SLTM: variants seen among roughly 807,000 people sequenced by gnomAD.
SLTM encodes the protein SAFB like transcription modulator, also known as SAFB-like transcription modulator.
A neutral mutation model predicts 134.6 loss-of-function variants in SLTM; 43 were observed. The observed-to-expected ratio is 0.32, with a 90% CI of 0.25 to 0.41. The LOEUF is 0.41. Ranked by LOEUF, SLTM falls within the 10% of genes least tolerant of loss-of-function variation. The pLI, the probability that SLTM is intolerant of heterozygous loss-of-function variation, is 1.00. For missense variants in SLTM, 1,055 were observed against 1,288.8 expected (o/e 0.82, Z 2.78); for synonymous variants, 424 against 432.3 (o/e 0.98, Z 0.24).
Position 58,913,616 on chromosome 15 carries a change from A to G in SLTM, c.396T>C (p.Asn132=). The G allele has an allele frequency of 1.9e-6, 3 of 1,613,340 alleles. No individual in the cohort carries two copies. Among genetic ancestry groups the G allele is most frequent in the Non-Finnish European group, 2.5e-6 (3 of 1,179,808 alleles). Residue 132 remains asparagine, a synonymous_variant, in exon 4 of 21, where the codon AAT becomes AAC. Coordinates refer to ENST00000380516, the MANE Select transcript of SLTM (RefSeq NM_024755.4). ...CCTTGGAATGCACATTTTCTTCTTC[A>G]TTTTCACCAAATTCTTCAGAGTCCT... The part of the protein sequence containing the change: ...ELKDSEEFGE[N]EEENVHSKEL...
intron 2 of SLTM, among the ~76,000 whole-genome samples, chr15:58,929,340 C>T (rs371061635): frequency 1.3e-5 from 2 of 151,872 alleles, no homozygotes; most frequent in East Asian, 1.9e-4. Context: ...CTCAGCTACT[C>T]GGGAGGCTGA....
intron 5 of SLTM, among the ~76,000 whole-genome samples, chr15:58,912,038 T>C (rs1438458292): frequency 2.0e-5 from 3 of 151,652 alleles, no homozygotes; most frequent in Non-Finnish European, 4.4e-5. Flanking sequence ...ACTCTGAAAA[T>C]GACAGGAAAC....
intron 19 of SLTM, 132 bp downstream of exon 19, chr15:58,886,843 A>T: frequency 1.0e-5 from 11 of 1,088,774 alleles, no homozygotes; most frequent in African/African-American, 1.6e-5. Flanking sequence ...TTAAATAAAA[A>T]ATTAATGCCT....
In SLTM at chr15:58,879,283, G is replaced by A. The variant is rs1478941677; in HGVS notation, c.*716C>T. 1 of 152,178 alleles carries A rather than the reference G, an allele frequency of 6.6e-6. No individual in the cohort carries two copies. Among genetic ancestry groups the A allele is most frequent in the Non-Finnish European group, 1.5e-5 (1 of 68,032 alleles). 9.4% of individuals were successfully genotyped at this position (152,178 alleles called of 1,614,324 possible). On this transcript the variant is annotated 3_prime_UTR_variant, in exon 21 of 21. Transcript: ENST00000380516. ...CACTTACCTGCACAACTCGGTCTAAGAACCTTGTGAAACAAACCTCATGGC... is the reference window on the plus strand; with the variant it reads ...CACTTACCTGCACAACTCGGTCTAAAAACCTTGTGAAACAAACCTCATGGC...
In SLTM at chr15:58,887,305, G is replaced by A. The variant is rs1187502445; in HGVS notation, c.2611C>T (p.Arg871Ter). The A allele has an allele frequency of 1.2e-6, 2 of 1,614,066 alleles. No homozygotes were observed. The highest frequency in any genetic ancestry group is 2.2e-5 in the East Asian group (1 of 44,870). The change falls in exon 18 of 21, where the codon CGA becomes TGA. Residue 871 changes from arginine to a stop codon, truncating the protein, a stop_gained. Coordinates refer to ENST00000380516, the MANE Select transcript of SLTM (RefSeq NM_024755.4). LOFTEE classifies it high-confidence loss of function. ...RPDITHPRHP[R>*]EAGPNPSRPT... ...CTGGAAGGATTGGGCCCTGCCTCTC[G>A]AGGATGTCTAGGATGAGTGATATCA...
At chr15:58,893,188 G>C (rs1421049660) in intron 13 of SLTM, 91 bp downstream of exon 13, 2 of 1,402,472 alleles carry the variant, frequency 1.4e-6, no homozygotes, top group African/African-American at 2.9e-5. Context: ...TTGCTAGCAT[G>C]CAAGTACGCA....
chr15:58,933,441 G>C lies in SLTM; in HGVS notation c.125C>G (p.Thr42Ser), dbSNP rs1343869970. The change falls in exon 1 of 21, where the codon ACC becomes AGC. Residue 42 changes from threonine (T) to serine (S), a missense_variant. By Grantham distance (58) the Thr-to-Ser change is moderately conservative. Transcript: ENST00000380516. ...SELKRRNLDITGVKTVLISRL... is the reference protein window; with the variant it reads ...SELKRRNLDISGVKTVLISRL... ...GGAGATGAGCACGGTCTTGACTCCG[G>C]TGATGTCTAAGTTCCGCCGCTTCAG... 2.5e-6 allele frequency: 4 copies of C among 1,593,580 alleles called. No individual in the cohort carries two copies. The highest frequency in any genetic ancestry group is 3.4e-6 in the Non-Finnish European group (4 of 1,170,784).
chr15:58,925,648 CT>C (rs1314292690), intron 2 of SLTM, among the ~76,000 whole-genome samples: 1 of 152,104 alleles, frequency 6.6e-6, no homozygotes, highest in East Asian at 1.9e-4. Context: ...CAATAGGTCA[CT>C]TTGAAAAATT....
intron 1 of SLTM, 66 bp from the exon 2 acceptor site, chr15:58,932,509 G>T: frequency 1.6e-6 from 2 of 1,285,128 alleles, no homozygotes; most frequent in South Asian, 1.3e-5. Context: ...AAAACGAAAT[G>T]AAAAAAAATT....
At chr15:58,912,334 C>A (rs573115197) in intron 5 of SLTM, among the ~76,000 whole-genome samples, 1 of 152,170 alleles carries the variant, frequency 6.6e-6, no homozygotes, top group African/African-American at 2.4e-5. Flanking sequence ...CTCCTGACCT[C>A]GTGAACCGCC....
chr15:58,883,732 G>T lies in SLTM; in HGVS notation c.2890C>A (p.Pro964Thr), dbSNP rs377080716. The part of the protein sequence containing the change: ...VERHGRDTSG[P>T]RKEWHGPPSQ... The stretch of plus-strand genomic sequence containing the variant: ...GGTGGACCATGCCACTCTTTCCTTG[G>T]TCCGCTTGTGTCCCGTCCATGGCGT... The change falls in exon 20 of 21, where the codon CCA becomes ACA. Residue 964 changes from proline to threonine, a missense_variant. Pro to Thr is a conservative substitution (Grantham distance 38). Coordinates refer to ENST00000380516, the MANE Select transcript of SLTM (RefSeq NM_024755.4). The T allele has an allele frequency of 6.2e-7, 1 of 1,613,968 alleles. No homozygotes were observed. The highest frequency in any genetic ancestry group is 8.5e-7 in the Non-Finnish European group (1 of 1,180,028).
At chr15:58,919,205 G>A (rs775126878) in intron 2 of SLTM, among the ~76,000 whole-genome samples, 3 of 152,304 alleles carry the variant, frequency 2.0e-5, no homozygotes, top group East Asian at 3.9e-4. Flanking sequence ...GAGCCACCAC[G>A]CCCAGATAAT....
chr15:58,901,929 G>A (rs868351614), intron 5 of SLTM, among the ~76,000 whole-genome samples: 13 of 151,170 alleles, frequency 8.6e-5, no homozygotes, highest in Middle Eastern at 3.2e-3. Flanking sequence ...CACATATACC[G>A]ATGGCAAAGC....
rs1217589492 is a variant in SLTM at position 58,901,298 on chromosome 15, A to G, written c.562-11T>C. The G allele has an allele frequency of 1.3e-6, 2 of 1,599,476 alleles. No individual in the cohort carries two copies. On this transcript the variant is annotated splice_polypyrimidine_tract_variant and intron_variant, in intron 5 of 20. Coordinates refer to ENST00000380516, the MANE Select transcript of SLTM (RefSeq NM_024755.4). ...TTCTTCCTCACCATCCTGAAATTCA[A>G]AGAATAATCAAATGTAAAATGAATT...
At chr15:58,915,330 C>T (rs1035773590) in intron 3 of SLTM, among the ~76,000 whole-genome samples, 4 of 152,120 alleles carry the variant, frequency 2.6e-5, no homozygotes, top group Admixed American at 1.3e-4. Context: ...TACTATTGTT[C>T]GTCTCAATAG....
Position 58,932,413 on chromosome 15 carries a change from T to A in SLTM, c.193A>T (p.Asn65Tyr). 3 of 1,613,400 alleles carry A rather than the reference T, an allele frequency of 1.9e-6. No individual in the cohort carries two copies. Among genetic ancestry groups the A allele is most frequent in the Non-Finnish European group, 2.5e-6 (3 of 1,179,388 alleles). Residue 65 changes from asparagine (N) to tyrosine (Y), a missense_variant, in exon 2 of 21, where the codon AAT (asparagine) becomes TAT (tyrosine). Coordinates refer to ENST00000380516, the MANE Select transcript of SLTM (RefSeq NM_024755.4). ...AIEEEGGDPD[N>Y]IELTVSTDTP... ...TCAGTTGAAACAGTTAATTCAATAT[T>A]ATCTGGATCGCCTCCTTCCTCTTCA...
At chr15:58,905,458 T>C (rs1392162723) in intron 5 of SLTM, among the ~76,000 whole-genome samples, 2 of 152,132 alleles carry the variant, frequency 1.3e-5, no homozygotes, top group African/African-American at 4.8e-5. Flanking sequence ...ATCTCAGCAC[T>C]TTAGGAGGCT....
intron 2 of SLTM, among the ~76,000 whole-genome samples, chr15:58,922,009 A>G (rs1014442287): frequency 8.5e-5 from 13 of 152,112 alleles, no homozygotes; most frequent in Non-Finnish European, 1.3e-4. Context: ...TCCTGACTCC[A>G]GCCGACTATA....
rs2036423076 is a variant in SLTM, at chr15:58,913,487, C to A, written c.513+12G>T. ...TATCTGTGTCATGTTTTAAAAAAAA[C>A]TGGCTAAAGACCTGACTTTCGATGT... On this transcript the variant is annotated intron_variant, in intron 4 of 20. Coordinates refer to ENST00000380516, the MANE Select transcript of SLTM (RefSeq NM_024755.4). The A allele has an allele frequency of 1.9e-6, 3 of 1,579,782 alleles. No homozygotes were observed. Among genetic ancestry groups the A allele is most frequent in the Non-Finnish European group, 2.6e-6 (3 of 1,165,830 alleles).
Sources: allele counts gnomAD v4.1 joint callset (sites outside exome capture counted in the v4.1 genomes callset), GRCh38; gene constraint gnomAD v4.1.1; transcripts MANE v1.5; gene names NCBI Gene and HGNC (gene_info 2026-07-23, HGNC 2026-07-21).